Variants in CTNNA2 observed in about 807,000 individuals in gnomAD.
The protein encoded by CTNNA2 is catenin alpha-2.
CTNNA2 carries 42 observed loss-of-function variants against 101.0 expected under a neutral mutation model. The observed-to-expected ratio is 0.42, with a 90% CI of 0.32 to 0.54. CTNNA2 has a LOEUF of 0.54. Among genes scored for constraint, CTNNA2 ranks in the 20% least tolerant of loss-of-function variants. The pLI is 0.14. For synonymous variants in CTNNA2, 450 were observed against 456.4 expected, an observed-to-expected ratio of 0.99 and a Z score of 0.18; for missense variants, 871 against 1,223.1, an observed-to-expected ratio of 0.71 and a Z score of 4.29.
chr2:79,998,921 A>G (rs767846976), intron 7 of CTNNA2, among the ~76,000 whole-genome samples: 1 of 152,152 alleles, frequency 6.6e-6, no homozygotes, highest in Non-Finnish European at 1.5e-5. Context: ...CTCTCCATGT[A>G]AGGAGTCCTG....
intron 11 of CTNNA2, among the ~76,000 whole-genome samples, chr2:80,555,443 A>T (rs901632774): frequency 6.6e-6 from 1 of 152,174 alleles, no homozygotes; most frequent in Admixed American, 6.5e-5. Context: ...TCTACCCCAG[A>T]CTTACTGAAT....
chr2:80,558,958 G>A (rs1186222291), intron 12 of CTNNA2, among the ~76,000 whole-genome samples: 1 of 152,080 alleles, frequency 6.6e-6, no homozygotes, highest in Non-Finnish European at 1.5e-5. Flanking sequence ...TTGTTTCTTG[G>A]GGAGAGTTCT....
chr2:80,346,150 A>G (rs1672715055), intron 7 of CTNNA2, among the ~76,000 whole-genome samples: 4 of 152,186 alleles, frequency 2.6e-5, no homozygotes, highest in African/African-American at 7.2e-5. Flanking sequence ...ACAAGGGGGA[A>G]AATCATGTTT....
intron 7 of CTNNA2, among the ~76,000 whole-genome samples, chr2:79,915,723 G>T (rs1686151689): frequency 6.6e-6 from 1 of 152,138 alleles, no homozygotes; most frequent in South Asian, 2.1e-4. Flanking sequence ...CAAAATTTAA[G>T]TGCCTCTGGG....
At chr2:79,190,293 A>C (rs1012980290) in intron 1 of CTNNA2, among the ~76,000 whole-genome samples, 18 of 152,000 alleles carry the variant, frequency 1.2e-4, no homozygotes, top group Admixed American at 1.2e-3. Context: ...AAATGCTTAG[A>C]GGGGAGATTA....
At chr2:79,990,577 T>C (rs958105596) in intron 7 of CTNNA2, among the ~76,000 whole-genome samples, 1 of 152,206 alleles carries the variant, frequency 6.6e-6, no homozygotes, top group African/African-American at 2.4e-5. Flanking sequence ...AAAATAGGTA[T>C]AAATAATAGT....
At chr2:80,491,443 A>G (rs1687054577) in intron 9 of CTNNA2, among the ~76,000 whole-genome samples, 1 of 152,200 alleles carries the variant, frequency 6.6e-6, no homozygotes, top group Non-Finnish European at 1.5e-5. Flanking sequence ...TATTGAGTTG[A>G]ATTTTGTCAT....
chr2:80,330,169 G>A (rs1006708184), intron 7 of CTNNA2, among the ~76,000 whole-genome samples: 8 of 152,354 alleles, frequency 5.3e-5, no homozygotes, highest in Admixed American at 2.6e-4. Flanking sequence ...TAATTTGCTC[G>A]GAATTCATTG....
chr2:80,591,843 G>C (rs216635), intron 15 of CTNNA2, among the ~76,000 whole-genome samples: 19,205 of 152,050 alleles, frequency 0.13, 1,344 homozygotes, highest in East Asian at 0.19. Context: ...GGAGGGTTCT[G>C]CCTCATTATA....
At chr2:79,946,035 G>A (rs1340154216) in intron 7 of CTNNA2, among the ~76,000 whole-genome samples, 1 of 152,116 alleles carries the variant, frequency 6.6e-6, no homozygotes, top group Non-Finnish European at 1.5e-5. Context: ...GAAAAGGTAA[G>A]AAAGAATATT....
intron 2 of CTNNA2, among the ~76,000 whole-genome samples, chr2:79,226,214 T>C (rs1189748816): frequency 6.6e-6 from 1 of 152,190 alleles, no homozygotes. Context: ...CCTTGAAAGA[T>C]TATATGATGT....
chr2:79,820,366 C>T (rs993845564), intron 3 of CTNNA2, among the ~76,000 whole-genome samples: 1 of 152,128 alleles, frequency 6.6e-6, no homozygotes, highest in African/African-American at 2.4e-5. Flanking sequence ...TAGTAGCACT[C>T]AAAGCAAGGT....
intron 7 of CTNNA2, among the ~76,000 whole-genome samples, chr2:79,988,648 T>C (rs1009426334): frequency 5.9e-5 from 9 of 152,292 alleles, no homozygotes; most frequent in African/African-American, 1.4e-4. Context: ...CTAAGGCTCA[T>C]TGAAGAAAGT....
At chr2:79,348,080 A>G (rs969015670) in intron 3 of CTNNA2, among the ~76,000 whole-genome samples, 1 of 152,138 alleles carries the variant, frequency 6.6e-6, no homozygotes, top group South Asian at 2.1e-4. Flanking sequence ...TCCTTTAAAG[A>G]GCATAAAATG....
intron 9 of CTNNA2, among the ~76,000 whole-genome samples, chr2:80,484,731 G>A (rs1206033382): frequency 1.3e-5 from 2 of 152,190 alleles, no homozygotes; most frequent in Non-Finnish European, 2.9e-5. Flanking sequence ...GTCTGGCTGG[G>A]CGCAGTGACT....
intron 1 of CTNNA2, among the ~76,000 whole-genome samples, chr2:79,544,513 T>TTCTGAAGGCC (rs1673613561): frequency 1.3e-5 from 2 of 152,198 alleles, no homozygotes; most frequent in Non-Finnish European, 1.5e-5. Flanking sequence ...TTCAGAGGCC[T>TTCTGAAGGCC]TCTGTAGCAT....
At chr2:80,540,894 C>T in intron 9 of CTNNA2, among the ~76,000 whole-genome samples, 1 of 152,096 alleles carries the variant, frequency 6.6e-6, no homozygotes, top group Non-Finnish European at 1.5e-5. Context: ...TGAAGTTTTG[C>T]CACATTTCCC....
intron 7 of CTNNA2, among the ~76,000 whole-genome samples, chr2:79,943,473 A>G (rs546974987): frequency 6.6e-5 from 10 of 152,174 alleles, no homozygotes; most frequent in East Asian, 1.9e-4. Flanking sequence ...GGTTCCTTCT[A>G]TGTTTCAGCA....
At chr2:79,876,341 G>C (rs1683022214) in intron 6 of CTNNA2, among the ~76,000 whole-genome samples, 1 of 152,088 alleles carries the variant, frequency 6.6e-6, no homozygotes, top group African/African-American at 2.4e-5. Flanking sequence ...AATTTTAAAG[G>C]TGTGTATTGA....
Sources: gnomAD v4.1 joint callset for allele counts (sites outside exome capture counted in the v4.1 genomes callset) on GRCh38, gnomAD v4.1.1 for gene constraint, MANE v1.5 for transcripts, NCBI Gene and HGNC (gene_info 2026-07-23, HGNC 2026-07-21) for gene names.